The following SMN1 variants were observed in gnomAD, a reference collection of about 807,000 sequenced individuals.
SMN1 encodes the protein survival of motor neuron 1, telomeric, also known as survival motor neuron protein.
For synonymous variants in SMN1, 3 were observed against 5.1 expected (o/e 0.58, Z 0.56); for missense variants, 15 against 17.1 (o/e 0.88, Z 0.22).
chr5:70,956,825 T>TA (rs1180503139), downstream of SMN1, among the ~76,000 whole-genome samples: 2 of 147,248 alleles, frequency 1.4e-5, no homozygotes, highest in Non-Finnish European at 3.0e-5. Flanking sequence ...ATATGAACTT[T>TA]AAAGTAGTTT....
At chr5:70,956,650 G>A (rs1450049941), downstream of SMN1, among the ~76,000 whole-genome samples, 1 of 150,210 alleles carries the variant, frequency 6.7e-6, no homozygotes, top group African/African-American at 2.4e-5. Flanking sequence ...ATTTCTGAGA[G>A]CTCTGTTCTG....
At chr5:70,954,707 G>T (rs1749853327), downstream of SMN1, among the ~76,000 whole-genome samples, 1 of 49,890 alleles carries the variant, frequency 2.0e-5, no homozygotes, top group African/African-American at 4.9e-5. Context: ...ACAAAAATTA[G>T]CCCGGCATGG....
chr5:70,959,001 G>T, the SMN1 span, among the ~76,000 whole-genome samples: 6 of 149,996 alleles, frequency 4.0e-5, no homozygotes, highest in Admixed American at 1.3e-4. Flanking sequence ...GACTTGGAAC[G>T]AACCCAAATG....
chr5:70,950,046 C>T (rs1749635770), intron 7 of SMN1, among the ~76,000 whole-genome samples: 2 of 142,684 alleles, frequency 1.4e-5, no homozygotes, highest in Non-Finnish European at 3.0e-5. Context: ...CCAGCCTGGG[C>T]AATAAGAGCA....
chr5:70,951,062 CT>C (rs1247611102), intron 7 of SMN1, among the ~76,000 whole-genome samples: 2 of 151,930 alleles, frequency 1.3e-5, no homozygotes, highest in Non-Finnish European at 2.9e-5. Flanking sequence ...GCATGAGCCA[CT>C]GTGACCGGCA....
chr5:70,951,406 TG>T (rs1749725790), intron 7 of SMN1, among the ~76,000 whole-genome samples: 1 of 151,974 alleles, frequency 6.6e-6, no homozygotes, highest in Non-Finnish European at 1.5e-5. Flanking sequence ...CCCAAGTAGC[TG>T]GGATTAGAGG....
chr5:70,963,878 CTTT>C, the SMN1 span, among the ~76,000 whole-genome samples: 198 of 69,248 alleles, frequency 2.9e-3, 2 homozygotes, highest in East Asian at 4.4e-3. Context: ...AAGTTTCAAA[CTTT>C]TTTTTTTTTT....
At chr5:70,958,720 A>T (rs1749955468), downstream of SMN1, among the ~76,000 whole-genome samples, 2 of 139,230 alleles carry the variant, frequency 1.4e-5, no homozygotes, top group South Asian at 2.5e-4. Context: ...TGCTGAGGAG[A>T]GCTTTACTTC....
intron 6 of SMN1, among the ~76,000 whole-genome samples, chr5:70,945,578 T>TGG (rs1749537410): frequency 9.1e-6 from 1 of 110,404 alleles, no homozygotes; most frequent in Non-Finnish European, 1.8e-5. Flanking sequence ...GAGCTGTGTG[T>TGG]GTGTGTGTGT....
downstream of SMN1, among the ~76,000 whole-genome samples, chr5:70,955,076 G>A (rs1207184132): frequency 7.1e-6 from 1 of 141,760 alleles, no homozygotes; most frequent in African/African-American, 2.6e-5. Context: ...AGCAAGGCAT[G>A]GTGGTGCATG....
At chr5:70,945,633 A>ATTTT (rs540134415) in intron 6 of SMN1, among the ~76,000 whole-genome samples, 1 of 86,896 alleles carries the variant, frequency 1.2e-5, no homozygotes, top group Non-Finnish European at 2.2e-5. Context: ...TTTATGCTTG[A>ATTTT]TTTTTTTTTT....
intron 5 of SMN1, among the ~76,000 whole-genome samples, chr5:70,943,679 A>G (rs1749458512): frequency 3.0e-5 from 3 of 101,334 alleles, no homozygotes; most frequent in Non-Finnish European, 6.5e-5. Flanking sequence ...ATCAACTCTA[A>G]AAAGATTTTT....
the SMN1 span, among the ~76,000 whole-genome samples, chr5:70,959,848 G>A: frequency 1.2e-5 from 1 of 83,118 alleles, no homozygotes; most frequent in East Asian, 3.9e-4. Flanking sequence ...TCACCATGTT[G>A]GCCAGGCTGA....
chr5:70,955,250 A>G (rs1416170392), downstream of SMN1, among the ~76,000 whole-genome samples: 1 of 142,152 alleles, frequency 7.0e-6, no homozygotes, highest in Non-Finnish European at 1.5e-5. Context: ...CAAACAAAAA[A>G]CAAGAGCAAC....
In SMN1 at chr5:70,951,437, C is replaced by G. The variant is rs549088914; in HGVS notation, c.835-504C>G. On this transcript the variant is annotated intron_variant, in intron 7 of 8. Transcript: ENST00000380707. ...TAGAGGTCCCCACCACCATGCCTGG[C>G]TAATTTTTTGTACTTTCAGTAGAAA... Among the ~76,000 whole-genome samples, 417 of 152,014 alleles carry G rather than the reference C, an allele frequency of 2.7e-3. 7 individuals carry two copies. The highest frequency in any genetic ancestry group is 9.6e-3 in the African/African-American group (398 of 41,480).
At chr5:70,955,408 TCTG>T (rs1170892239), downstream of SMN1, among the ~76,000 whole-genome samples, 1 of 143,710 alleles carries the variant, frequency 7.0e-6, no homozygotes, top group Non-Finnish European at 1.5e-5. Context: ...GCCCAGCCCT[TCTG>T]TACACTTTTC....
chr5:70,957,589 C>A (rs1028334665), downstream of SMN1, among the ~76,000 whole-genome samples: 2 of 144,122 alleles, frequency 1.4e-5, no homozygotes, highest in African/African-American at 2.5e-5. Flanking sequence ...TGGTTTTTGT[C>A]TTTGGTTCTG....
chr5:70,958,986 G>A, the SMN1 span, among the ~76,000 whole-genome samples: 11 of 150,356 alleles, frequency 7.3e-5, 1 homozygote, highest in Non-Finnish European at 1.5e-4. Flanking sequence ...ATTCACAATA[G>A]CAAAGACTTG....
At chr5:70,960,735 A>C in the SMN1 span, among the ~76,000 whole-genome samples, 2 of 143,554 alleles carry the variant, frequency 1.4e-5, no homozygotes, top group Non-Finnish European at 3.1e-5. Context: ...TCACTCTGTC[A>C]CCCAGGCTGG....
Sources: gnomAD v4.1 joint callset for allele counts (sites outside exome capture counted in the v4.1 genomes callset) on GRCh38, gnomAD v4.1.1 for gene constraint, MANE v1.5 for transcripts, NCBI Gene and HGNC (gene_info 2026-07-23, HGNC 2026-07-21) for gene names.